ACO2: variants seen among roughly 807,000 people sequenced by gnomAD.
ACO2 encodes the protein aconitase 2, also known as aconitate hydratase, mitochondrial.
A neutral mutation model predicts 84.5 loss-of-function variants in ACO2; 31 were observed. The observed-to-expected ratio is 0.37, with a 90% CI of 0.28 to 0.50. The LOEUF (loss-of-function observed/expected upper bound fraction) is 0.50. ACO2 is among the 20% of genes least tolerant of loss of function. ACO2 has a pLI of 0.97. For missense variants in ACO2, 685 were observed against 1,029.3 expected (o/e 0.67, Z 4.58); for synonymous variants, 414 against 412.7 (o/e 1.00, Z -0.04).
At chr22:41,502,957 C>A (rs1242504392) in intron 2 of ACO2, among the ~76,000 whole-genome samples, 1 of 151,850 alleles carries the variant, frequency 6.6e-6, no homozygotes, top group African/African-American at 2.4e-5. Flanking sequence ...GCTGCCCAAG[C>A]TGGTCTTGAA....
chr22:41,499,862 G>T lies in ACO2; in HGVS notation c.173G>T (p.Arg58Leu). 1 of 1,613,810 alleles carries T rather than the reference G, an allele frequency of 6.2e-7. No individual in the cohort carries two copies. The highest frequency in any genetic ancestry group is 1.1e-5 in the South Asian group (1 of 91,024). The change falls in exon 2 of 18, where the codon CGA (arginine) becomes CTA (leucine). Residue 58 changes from arginine to leucine, a missense_variant and splice_region_variant. Coordinates refer to ENST00000216254, the MANE Select transcript of ACO2 (RefSeq NM_001098.3). ...LEKNINIVRKRLNRPLTLSEK... is the reference protein window; with the variant it reads ...LEKNINIVRKLLNRPLTLSEK... ...AAGAACATTAACATTGTTCGCAAAC[G>T]GTAAGGCTGCAGATGGGAGGCTGTG... is the stretch of plus-strand genomic sequence containing the variant.
intron 1 of ACO2, among the ~76,000 whole-genome samples, chr22:41,489,868 G>T (rs1182068712): frequency 6.6e-6 from 1 of 151,804 alleles, no homozygotes; most frequent in Non-Finnish European, 1.5e-5. Context: ...GAAACAAAGG[G>T]TTTGCACATT....
At chr22:41,499,900 A>G (rs1352630835) in intron 2 of ACO2, 38 bp downstream of exon 2, 6 of 1,607,086 alleles carry the variant, frequency 3.7e-6, no homozygotes, top group Admixed American at 3.4e-5. Context: ...TGTCAAGGGC[A>G]TTGCGTCTGC....
intron 17 of ACO2, chr22:41,528,258 C>A: frequency 1.2e-6 from 1 of 837,938 alleles, no homozygotes. Flanking sequence ...ACCTGGCACT[C>A]AGGGGACAGC....
chr22:41,472,570 T>C (rs2146074262), intron 1 of ACO2, among the ~76,000 whole-genome samples: 1 of 152,110 alleles, frequency 6.6e-6, no homozygotes, highest in African/African-American at 2.4e-5. Context: ...TGCTACCAGG[T>C]AGTAAGATTA....
chr22:41,506,419 A>AT (rs2066393790), intron 2 of ACO2, among the ~76,000 whole-genome samples: 1 of 151,792 alleles, frequency 6.6e-6, no homozygotes, highest in African/African-American at 2.4e-5. Context: ...CGCCTGGCTA[A>AT]TTTTTTTGTA....
chr22:41,517,749 G>T, intron 7 of ACO2, 118 bp downstream of exon 7: 1 of 850,060 alleles, frequency 1.2e-6, no homozygotes, highest in South Asian at 1.5e-5. Flanking sequence ...CTCCAGACAG[G>T]CGTCCGAGGC....
chr22:41,526,257 C>G lies in ACO2; in HGVS notation c.1762-5C>G. On this transcript the variant is annotated splice_polypyrimidine_tract_variant and splice_region_variant and intron_variant, in intron 14 of 17. Transcript: ENST00000216254. ...GACCTCTGTCCTCTCTACTTACCAC[C>G]CAAGGTCAAAGGGAAGTGTACCACT... 1 of 1,610,794 alleles carries G rather than the reference C, an allele frequency of 6.2e-7. No individual in the cohort carries two copies.
intron 1 of ACO2, among the ~76,000 whole-genome samples, chr22:41,496,419 G>A (rs1464394707): frequency 6.6e-6 from 1 of 152,164 alleles, no homozygotes; most frequent in East Asian, 1.9e-4. Flanking sequence ...GGAACGCACA[G>A]GGTAATAATC....
chr22:41,511,282 G>A (rs1051259185), intron 3 of ACO2, among the ~76,000 whole-genome samples: 3 of 152,072 alleles, frequency 2.0e-5, no homozygotes, highest in South Asian at 2.1e-4. Flanking sequence ...ACCAATTCTT[G>A]TGCCTCAGCC....
intron 17 of ACO2, 110 bp from the exon 18 acceptor site, chr22:41,528,369 C>T (rs936250764): frequency 4.1e-6 from 6 of 1,467,068 alleles, no homozygotes; most frequent in Non-Finnish European, 5.5e-6. Flanking sequence ...ATTTGGTTTG[C>T]CTGCTGACCT....
At chr22:41,520,500 G>A (rs191082666) in intron 9 of ACO2, among the ~76,000 whole-genome samples, 74 of 152,200 alleles carry the variant, frequency 4.9e-4, no homozygotes, top group Non-Finnish European at 7.4e-4. Flanking sequence ...GAGTCTAGGG[G>A]TTCAAGACCA....
At chr22:41,473,566 G>A (rs1411226567) in intron 1 of ACO2, among the ~76,000 whole-genome samples, 2 of 152,194 alleles carry the variant, frequency 1.3e-5, no homozygotes, top group Non-Finnish European at 2.9e-5. Flanking sequence ...GACACTGGGG[G>A]TGCAGTAGTG....
At chr22:41,493,253 C>T (rs959334125) in intron 1 of ACO2, among the ~76,000 whole-genome samples, 3 of 152,174 alleles carry the variant, frequency 2.0e-5, no homozygotes, top group African/African-American at 7.2e-5. Flanking sequence ...GTTGCCAACA[C>T]ATAAACTTTG....
chr22:41,494,265 G>A (rs2066295158), intron 1 of ACO2, among the ~76,000 whole-genome samples: 1 of 152,086 alleles, frequency 6.6e-6, no homozygotes, highest in Non-Finnish European at 1.5e-5. Flanking sequence ...GCTGGATTTG[G>A]ATCCCGCCTG....
chr22:41,499,887 G>T, intron 2 of ACO2, 25 bp downstream of exon 2: 2 of 1,612,626 alleles, frequency 1.2e-6, no homozygotes, highest in South Asian at 2.2e-5. Context: ...GGGAGGCTGT[G>T]ACTGTCAAGG....
At chr22:41,509,635 A>G (rs1345943773) in intron 3 of ACO2, among the ~76,000 whole-genome samples, 1 of 152,066 alleles carries the variant, frequency 6.6e-6, no homozygotes, top group Non-Finnish European at 1.5e-5. Context: ...ACCCTGAGCC[A>G]GGAAGAAACT....
In ACO2 at chr22:41,469,136, C is replaced by A; in HGVS notation, c.-11C>A. 1.2e-6 allele frequency: 2 copies of A among 1,608,518 alleles called. No individual in the cohort carries two copies. Among genetic ancestry groups the A allele is most frequent in the Non-Finnish European group, 1.7e-6 (2 of 1,177,248 alleles). ...CACTTTAATGCGACCTCATCTTTGT[C>A]AGTGCACAAAATGGCGCCCTACAGC... On this transcript the variant is annotated 5_prime_UTR_variant, in exon 1 of 18. Coordinates refer to ENST00000216254, the MANE Select transcript of ACO2 (RefSeq NM_001098.3).
intron 9 of ACO2, among the ~76,000 whole-genome samples, chr22:41,522,264 G>A (rs1386259497): frequency 1.3e-5 from 2 of 152,210 alleles, no homozygotes; most frequent in East Asian, 3.9e-4. Flanking sequence ...AGCCCCAGGA[G>A]TTAGAGACTG....
Sources: allele counts gnomAD v4.1 joint callset (sites outside exome capture counted in the v4.1 genomes callset), GRCh38; gene constraint gnomAD v4.1.1; transcripts MANE v1.5; gene names NCBI Gene and HGNC (gene_info 2026-07-23, HGNC 2026-07-21).